GNAS-AS1: variants seen among roughly 807,000 people sequenced by gnomAD.
The protein encoded by GNAS-AS1 is GNAS antisense RNA 1, also known as GNAS antisense RNA 1 (non-protein coding).
At position 58,840,346 on chromosome 20, in the gene GNAS-AS1, C is replaced by T; in HGVS notation, n.819+1591G>A. The T allele has an allele frequency of 1.2e-6, 2 of 1,613,208 alleles. No homozygotes were observed. The highest frequency in any genetic ancestry group is 1.7e-6 in the Non-Finnish European group (2 of 1,180,012). ...GCGCCCAGGTATTCCCTGAGTCCCC[C>T]GAATCGGAATCTGACCACGAGCACG... On this transcript the variant is annotated intron_variant and non_coding_transcript_variant, in intron 4 of 4. Transcript: ENST00000424094. This position sits in a 1 kb window ranked among gnomAD's most constrained non-coding sequence, Gnocchi z 6.0.
intron 4 of GNAS-AS1, among the ~76,000 whole-genome samples, chr20:58,830,817 T>C (rs568589591): frequency 6.6e-6 from 1 of 151,734 alleles, no homozygotes; most frequent in East Asian, 2.0e-4. Flanking sequence ...GCCTGTGTGA[T>C]CCCAAATCTG....
At chr20:58,849,516 T>C (rs540785008) in intron 1 of GNAS-AS1, among the ~76,000 whole-genome samples, 3 of 152,366 alleles carry the variant, frequency 2.0e-5, no homozygotes, top group Admixed American at 1.3e-4. Context: ...ACTTCAGACC[T>C]TTCCTCCCAG....
chr20:58,847,736 C>G (rs945416230), intron 2 of GNAS-AS1, among the ~76,000 whole-genome samples: 1 of 152,166 alleles, frequency 6.6e-6, no homozygotes, highest in Non-Finnish European at 1.5e-5. Context: ...GGTTTCTGTT[C>G]CCTTCCCTTT....
At chr20:58,845,936 GTGTGTTTATTTTT>G (rs1482982977) in intron 2 of GNAS-AS1, among the ~76,000 whole-genome samples, 1 of 152,202 alleles carries the variant, frequency 6.6e-6, no homozygotes, top group Non-Finnish European at 1.5e-5. Flanking sequence ...GGCATAGCCT[GTGTGTTTATTTTT>G]TGTGTTTATT....
chr20:58,824,147 C>T (rs914684138), intron 4 of GNAS-AS1: 3 of 398,410 alleles, frequency 7.5e-6, no homozygotes, highest in African/African-American at 6.2e-5. Context: ...ACCCAGTCTA[C>T]TGTCCAAAAC....
intron 4 of GNAS-AS1, among the ~76,000 whole-genome samples, chr20:58,821,839 G>A (rs1022880937): frequency 7.2e-5 from 11 of 152,144 alleles, no homozygotes; most frequent in African/African-American, 2.4e-4. Context: ...ATACGAATAC[G>A]GATTAACTCA....
rs1385031952 is a variant in GNAS-AS1, at chr20:58,840,695, G to A, written n.819+1242C>T. 6.9e-6 allele frequency: 11 copies of A among 1,603,870 alleles called. No homozygotes were observed. Among genetic ancestry groups the A allele is most frequent in the Non-Finnish European group, 8.5e-6 (10 of 1,179,532 alleles). ...CAGGGAAGGGGAGGAGCTCAAGCCC[G>A]AGGACAAAGATCCAAGGGACCCCGA... On this transcript the variant is annotated intron_variant and non_coding_transcript_variant, in intron 4 of 4. Transcript: ENST00000424094. The surrounding 1 kb of genome is among the most constrained non-coding windows in gnomAD (Gnocchi z 6.0).
chr20:58,841,400 G>C lies in GNAS-AS1; in HGVS notation n.819+537C>G, dbSNP rs564528467. ...GCGGAAAGTAATCTGAATGGGAATGGGCGAGAACTCTAGAGACTGACCACC... is the reference window on the plus strand; with the variant it reads ...GCGGAAAGTAATCTGAATGGGAATGCGCGAGAACTCTAGAGACTGACCACC... On this transcript the variant is annotated intron_variant and non_coding_transcript_variant, in intron 4 of 4. Transcript: ENST00000424094. This position sits in a 1 kb window ranked among gnomAD's most constrained non-coding sequence, Gnocchi z 5.0. 277 of 1,007,854 alleles carry C rather than the reference G, an allele frequency of 2.7e-4. 2 individuals are homozygous for C. In the African/African-American group the frequency reaches 4.6e-3, roughly 17 times the overall value. The allele number at this position is 1,007,854 out of a possible 1,614,324, so 62.4% of individuals were successfully genotyped here.
At chr20:58,844,178 A>T (rs1433662551) in intron 2 of GNAS-AS1, 1 of 152,214 alleles carries the variant, frequency 6.6e-6, no homozygotes, top group Non-Finnish European at 1.5e-5. Context: ...TTTGAGAGGA[A>T]ACTGAGCAGA....
At chr20:58,838,180 CA>C (rs1184675913) in intron 4 of GNAS-AS1, among the ~76,000 whole-genome samples, 1 of 152,108 alleles carries the variant, frequency 6.6e-6, no homozygotes, top group African/African-American at 2.4e-5. Context: ...TCACTATGGC[CA>C]AAAAGGCACC....
chr20:58,827,675 G>T (rs1401486970), intron 4 of GNAS-AS1, among the ~76,000 whole-genome samples: 2 of 152,230 alleles, frequency 1.3e-5, no homozygotes, highest in African/African-American at 2.4e-5. Flanking sequence ...GAATCAGCAG[G>T]AAAGGGTCTC....
At chr20:58,822,370 G>A (rs79424898) in intron 4 of GNAS-AS1, among the ~76,000 whole-genome samples, 2,646 of 152,280 alleles carry the variant, frequency 0.017, 82 homozygotes, top group African/African-American at 0.06. Flanking sequence ...CAGGCACAGG[G>A]GTGTGTGTGC....
chr20:58,827,426 T>C (rs752090538), intron 4 of GNAS-AS1, among the ~76,000 whole-genome samples: 41 of 152,228 alleles, frequency 2.7e-4, no homozygotes, highest in African/African-American at 4.8e-4. Context: ...AGAAGTGCAG[T>C]GTAGCCAAGG....
chr20:58,832,604 C>T (rs953729116), intron 4 of GNAS-AS1, among the ~76,000 whole-genome samples: 3 of 152,162 alleles, frequency 2.0e-5, no homozygotes, highest in Non-Finnish European at 2.9e-5. Context: ...CGCTAAGATA[C>T]TGGGAAAATG....
At chr20:58,850,124 A>G (rs2086099171) in intron 1 of GNAS-AS1, among the ~76,000 whole-genome samples, 1 of 152,038 alleles carries the variant, frequency 6.6e-6, no homozygotes, top group South Asian at 2.1e-4. Context: ...ACCGTCTCCC[A>G]TCCCCCACTA....
Position 58,841,668 on chromosome 20 carries a change from T to G in GNAS-AS1, n.819+269A>C. 3 of 1,152,058 alleles carry G rather than the reference T, an allele frequency of 2.6e-6. No individual in the cohort carries two copies. Among genetic ancestry groups the G allele is most frequent in the Non-Finnish European group, 2.1e-6 (2 of 936,834 alleles). 71.4% of individuals were successfully genotyped at this position (1,152,058 alleles called of 1,614,324 possible). ...CGGCGGGCGGTTAGGGGAAAGTACCTGGGGGAAAGGTAGAGGAGGTAAGGG... is the reference window on the plus strand; with the variant it reads ...CGGCGGGCGGTTAGGGGAAAGTACCGGGGGGAAAGGTAGAGGAGGTAAGGG... On this transcript the variant is annotated intron_variant and non_coding_transcript_variant, in intron 4 of 4. Transcript: ENST00000424094. The surrounding 1 kb of genome is among the most constrained non-coding windows in gnomAD (Gnocchi z 5.0).
rs79067846 is a variant in GNAS-AS1 at position 58,849,813 on chromosome 20, G to C, written n.374+717C>G. Among the ~76,000 whole-genome samples, 1,216 of 152,280 alleles carry C rather than the reference G, an allele frequency of 8.0e-3. 9 individuals carry two copies. The highest frequency in any genetic ancestry group is 0.013 in the Non-Finnish European group (905 of 68,032). On this transcript the variant is annotated intron_variant and non_coding_transcript_variant, in intron 1 of 4. Coordinates refer to ENST00000424094, the Ensembl canonical transcript of GNAS-AS1. ...TCTCTCCTTTAAACATCTCCTTTGT[G>C]CATAACCCCTTTCCTTTGTTCTCGA... is the stretch of plus-strand genomic sequence containing the variant.
chr20:58,845,972 T>A (rs2742274), intron 2 of GNAS-AS1, among the ~76,000 whole-genome samples: 1 of 152,170 alleles, frequency 6.6e-6, no homozygotes, highest in Non-Finnish European at 1.5e-5. Flanking sequence ...AGGGTAAGTA[T>A]GTTACAAATT....
chr20:58,824,071 A>G, intron 4 of GNAS-AS1: 1 of 398,670 alleles, frequency 2.5e-6, no homozygotes, highest in Non-Finnish European at 4.4e-6. Context: ...GCTTCAACAT[A>G]TCCTAAAAGA....
Sources: gnomAD v4.1 joint callset for allele counts (sites outside exome capture counted in the v4.1 genomes callset) on GRCh38, gnomAD v4.1.1 for gene constraint, Gnocchi (gnomAD v3.1) non-coding constraint, MANE v1.5 for transcripts, NCBI Gene and HGNC (gene_info 2026-07-23, HGNC 2026-07-21) for gene names.